NAPG: variants seen among roughly 807,000 people sequenced by gnomAD.
NAPG encodes the protein NSF attachment protein gamma.
In NAPG, 25 loss-of-function variants were observed where a neutral mutation model predicts 48.4. The observed-to-expected ratio is 0.52, with a 90% confidence interval of 0.38 to 0.72. NAPG has a LOEUF of 0.72. NAPG is among the 30% of genes least tolerant of loss of function. The probability of loss-of-function intolerance (pLI) is 0.00; values close to 1 mark genes in which losing one functional copy is unlikely to be tolerated. For missense variants in NAPG, 359 were observed against 372.5 expected, an observed-to-expected ratio of 0.96 and a Z score of 0.30; for synonymous variants, 139 against 127.2, an observed-to-expected ratio of 1.09 and a Z score of -0.62.
intron 1 of NAPG, among the ~76,000 whole-genome samples, chr18:10,527,303 A>C (rs1414615332): frequency 6.6e-6 from 1 of 152,190 alleles, no homozygotes; most frequent in Non-Finnish European, 1.5e-5. Flanking sequence ...TAGAGATTCT[A>C]ATTTTTCGTA....
chr18:10,526,035 G>A lies in NAPG; in HGVS notation c.-68G>A. The A allele has an allele frequency of 6.7e-7, 1 of 1,497,514 alleles. No homozygotes were observed. Among genetic ancestry groups the A allele is most frequent in the Non-Finnish European group, 9.3e-7 (1 of 1,076,686 alleles). The allele number at this position is 1,497,514 out of a possible 1,614,324, so 92.8% of individuals were successfully genotyped here. A position where few individuals can be genotyped will look rare whatever the true frequency, so the allele number is the denominator to read the frequency against. ...CCTCGGCGTTCCCACGCCTATTTGG[G>A]CGGATTCTTGGCGCCGGAGGAAGAG... On this transcript the variant is annotated 5_prime_UTR_variant, in exon 1 of 12. Coordinates refer to ENST00000322897, the MANE Select transcript of NAPG (RefSeq NM_003826.3).
chr18:10,532,973 T>C (rs2031960432), intron 3 of NAPG, 178 bp downstream of exon 3: 4 of 586,248 alleles, frequency 6.8e-6, no homozygotes, highest in Non-Finnish European at 9.0e-6. Context: ...AGTTTGATTA[T>C]AAGGTCCACA....
At position 10,539,711 on chromosome 18, in the gene NAPG, T is replaced by G; in HGVS notation, c.259-51T>G. 1 of 1,360,270 alleles carries G rather than the reference T, an allele frequency of 7.4e-7. No homozygotes were observed. Among genetic ancestry groups the G allele is most frequent in the Non-Finnish European group, 1.0e-6 (1 of 959,200 alleles). 84.3% of individuals were successfully genotyped at this position (1,360,270 alleles called of 1,614,324 possible). A position where few individuals can be genotyped will look rare whatever the true frequency, so the allele number is the denominator to read the frequency against. On this transcript the variant is annotated intron_variant, in intron 5 of 11. Coordinates refer to ENST00000322897, the MANE Select transcript of NAPG (RefSeq NM_003826.3). This position sits in a 1 kb window ranked among gnomAD's most constrained non-coding sequence, Gnocchi z 4.7. ...GCATTTCAGATTGTTAACTCTGTTT[T>G]TCTTTAATTGATGCATTTGCTGACC...
rs370039329 is a variant in NAPG at position 10,546,076 on chromosome 18, C to A, written c.507-250C>A. On this transcript the variant is annotated intron_variant, in intron 8 of 11. Coordinates refer to ENST00000322897, the MANE Select transcript of NAPG (RefSeq NM_003826.3). The surrounding 1 kb of genome is among the most constrained non-coding windows in gnomAD (Gnocchi z 4.0). ...AGTCCTTACTAAGCTTAAAACTCCC[C>A]GTTTGACCTAACCCATCCTTGAGTT... 6.6e-6 allele frequency among the ~76,000 whole-genome samples: 1 copy of A among 152,180 alleles called. No individual in the cohort carries two copies. The highest frequency in any genetic ancestry group is 1.5e-5 in the Non-Finnish European group (1 of 68,032).
chr18:10,534,638 G>A lies in NAPG; in HGVS notation c.258+142G>A, dbSNP rs370414104. 3.4e-5 allele frequency: 24 copies of A among 695,818 alleles called. No individual in the cohort carries two copies. The highest frequency in any genetic ancestry group is 4.1e-5 in the Non-Finnish European group (16 of 394,314). The allele number at this position is 695,818 out of a possible 1,614,324, so 43.1% of individuals were successfully genotyped here. A position where few individuals can be genotyped will look rare whatever the true frequency, so the allele number is the denominator to read the frequency against. On this transcript the variant is annotated intron_variant, in intron 5 of 11. Transcript: ENST00000322897. The surrounding 1 kb of genome is among the most constrained non-coding windows in gnomAD (Gnocchi z 5.0). The stretch of plus-strand genomic sequence containing the variant: ...GTTAAGATTTTCTGTCCACGGTAAC[G>A]TTAATTGGACCCATAGAATACATTC...
At position 10,548,342 on chromosome 18, in the gene NAPG, A is replaced by T; in HGVS notation, c.629A>T (p.Tyr210Phe). The T allele has an allele frequency of 6.2e-7, 1 of 1,613,872 alleles. No individual in the cohort carries two copies. The highest frequency in any genetic ancestry group is 1.7e-4 in the Middle Eastern group (1 of 6,060). ...QVLVHLHRND[Y>F]VAAERCVRES... is the part of the protein sequence containing the mutation. ...TTAGTTCATCTACACAGAAATGACT[A>T]TGTAGCTGCAGAAAGATGTGTCCGG... Residue 210 changes from tyrosine (Y) to phenylalanine (F), a missense_variant, in exon 10 of 12, where the codon TAT (tyrosine) becomes TTT (phenylalanine). Coordinates refer to ENST00000322897, the MANE Select transcript of NAPG (RefSeq NM_003826.3). This position sits in a 1 kb window ranked among gnomAD's most constrained non-coding sequence, Gnocchi z 4.4.
chr18:10,537,826 T>C (rs1024901922), intron 5 of NAPG, among the ~76,000 whole-genome samples: 1 of 152,220 alleles, frequency 6.6e-6, no homozygotes, highest in African/African-American at 2.4e-5. Context: ...AGCAGTCTTA[T>C]TTCATACAGT....
In NAPG at chr18:10,534,959, T is replaced by G. The variant is rs1041214294; in HGVS notation, c.258+463T>G. 5.9e-5 allele frequency among the ~76,000 whole-genome samples: 9 copies of G among 152,238 alleles called. No homozygotes were observed. The highest frequency in any genetic ancestry group is 3.9e-4 in the Admixed American group (6 of 15,280). ...CTACTTTAATTCATTCTGCATGGAATATTCCAACTAATGTACCTGTGCCAC... is the reference window on the plus strand; with the variant it reads ...CTACTTTAATTCATTCTGCATGGAAGATTCCAACTAATGTACCTGTGCCAC... On this transcript the variant is annotated intron_variant, in intron 5 of 11. Transcript: ENST00000322897. The surrounding 1 kb of genome is among the most constrained non-coding windows in gnomAD (Gnocchi z 5.0).
intron 5 of NAPG, among the ~76,000 whole-genome samples, chr18:10,535,864 A>G (rs2032021254): frequency 6.6e-6 from 1 of 152,212 alleles, no homozygotes; most frequent in African/African-American, 2.4e-5. Flanking sequence ...CCAAACATGC[A>G]ACTGAATTGG....
chr18:10,541,317 G>A (rs576647833), intron 8 of NAPG, among the ~76,000 whole-genome samples: 62 of 152,198 alleles, frequency 4.1e-4, no homozygotes, highest in African/African-American at 1.2e-3. Context: ...TTTTAAATTA[G>A]GACTTTAATC....
In NAPG at chr18:10,540,006, TC is replaced by T; in HGVS notation, c.389del (p.Pro130GlnfsTer28). Reference protein sequence around the residue: ...RAGKLIENVDPEKAVQLYQQT... With the variant: ...RAGKLIENVDXEKAVQLYQQT... ...GATTCAGGCTTATAGAAAATGTTGA[TC>T]CAGAGAAGGCTGTACAGTTATATCA... On this transcript the variant is annotated frameshift_variant, in exon 7 of 12. Coordinates refer to ENST00000322897, the MANE Select transcript of NAPG (RefSeq NM_003826.3). LOFTEE classifies it high-confidence loss of function. 6.2e-7 allele frequency: 1 copy of T among 1,600,516 alleles called. No individual in the cohort carries two copies.
At chr18:10,529,976 T>C (rs2031894847) in intron 1 of NAPG, among the ~76,000 whole-genome samples, 1 of 152,150 alleles carries the variant, frequency 6.6e-6, no homozygotes, top group Admixed American at 6.5e-5. Flanking sequence ...AATTTGACAG[T>C]TACTGAATTA....
intron 2 of NAPG, among the ~76,000 whole-genome samples, chr18:10,531,099 C>T (rs903454732): frequency 3.9e-5 from 6 of 152,048 alleles, no homozygotes; most frequent in Non-Finnish European, 8.8e-5. Context: ...GGGTTTTTAG[C>T]GTTGCTTATA....
chr18:10,545,704 C>T (rs2032248890), intron 8 of NAPG, among the ~76,000 whole-genome samples: 1 of 152,190 alleles, frequency 6.6e-6, no homozygotes, highest in Non-Finnish European at 1.5e-5. Flanking sequence ...TTTGGTGACC[C>T]CTTTCCTTGC....
At position 10,546,188 on chromosome 18, in the gene NAPG, C is replaced by G; in HGVS notation, c.507-138C>G. 2.1e-6 allele frequency: 1 copy of G among 485,592 alleles called. No homozygotes were observed. The highest frequency in any genetic ancestry group is 3.6e-6 in the Non-Finnish European group (1 of 274,632). 30.1% of individuals were successfully genotyped at this position (485,592 alleles called of 1,614,324 possible). A position where few individuals can be genotyped will look rare whatever the true frequency, so the allele number is the denominator to read the frequency against. On this transcript the variant is annotated intron_variant, in intron 8 of 11. Coordinates refer to ENST00000322897, the MANE Select transcript of NAPG (RefSeq NM_003826.3). The surrounding 1 kb of genome is among the most constrained non-coding windows in gnomAD (Gnocchi z 4.0). ...CCAGATGAGCAGAGCATGTGGAAAC[C>G]TGGGTCCTGGGGCAGCTGCTAATAA...
At chr18:10,541,241 G>A (rs1400296797) in intron 8 of NAPG, among the ~76,000 whole-genome samples, 1 of 152,132 alleles carries the variant, frequency 6.6e-6, no homozygotes, top group Admixed American at 6.6e-5. Context: ...AGATTAATTT[G>A]TTTATAGGAC....
chr18:10,550,162 G>A lies in NAPG; in HGVS notation c.881G>A (p.Gly294Asp), dbSNP rs1465622985. ...GCAACACCACAGGCCAAGCCTGATG[G>A]TGTCACTGCCACGGCTGCTGATGAA... is the stretch of plus-strand genomic sequence containing the variant. ...SPATPQAKPD[G>D]VTATAADEEE... The change falls in exon 12 of 12, where the codon GGT becomes GAT. Residue 294 changes from glycine (G) to aspartate (D), a missense_variant. Gly to Asp is a moderately conservative substitution (Grantham distance 94). Transcript: ENST00000322897. The A allele has an allele frequency of 6.3e-7, 1 of 1,588,492 alleles. No homozygotes were observed.
Position 10,551,893 on chromosome 18 carries a change from C to A in NAPG, c.*1673C>A, listed in dbSNP as rs1193720288. 2 of 152,054 alleles carry A rather than the reference C, an allele frequency of 1.3e-5. No homozygotes were observed. The highest frequency in any genetic ancestry group is 2.9e-5 in the Non-Finnish European group (2 of 68,024). The allele number at this position is 152,054 out of a possible 1,614,324, so 9.4% of individuals were successfully genotyped here. ...TATTGGCATAGTTCTTCAGGTAGCA[C>A]CTCATTTTTATTAATGATATTGGGA... On this transcript the variant is annotated 3_prime_UTR_variant, in exon 12 of 12. Coordinates refer to ENST00000322897, the MANE Select transcript of NAPG (RefSeq NM_003826.3).
At chr18:10,529,102 ATG>A (rs1339454457) in intron 1 of NAPG, among the ~76,000 whole-genome samples, 2 of 152,340 alleles carry the variant, frequency 1.3e-5, no homozygotes, top group Non-Finnish European at 2.9e-5. Context: ...AGTGGTGTTC[ATG>A]TGACTTGGGA....
Sources: allele counts gnomAD v4.1 joint callset (sites outside exome capture counted in the v4.1 genomes callset), GRCh38; gene constraint gnomAD v4.1.1; non-coding constraint Gnocchi (gnomAD v3.1); transcripts MANE v1.5; gene names NCBI Gene and HGNC (gene_info 2026-07-23, HGNC 2026-07-21).